The following ARHGAP17 variants were observed in gnomAD, a reference collection of about 807,000 sequenced individuals.
The protein encoded by ARHGAP17 is Rho GTPase activating protein 17, also known as rho GTPase-activating protein 17.
ARHGAP17 carries 57 observed loss-of-function variants against 99.5 expected under a neutral mutation model. The observed-to-expected ratio is 0.57, with a 90% CI of 0.46 to 0.71. The LOEUF is 0.71. Among genes scored for constraint, ARHGAP17 ranks in the 30% least tolerant of loss-of-function variants. The pLI, the probability that ARHGAP17 is intolerant of heterozygous loss-of-function variation, is 0.00. For synonymous variants in ARHGAP17, 417 were observed against 429.6 expected, an observed-to-expected ratio of 0.97 and a Z score of 0.36; for missense variants, 1,000 against 1,122.4, an observed-to-expected ratio of 0.89 and a Z score of 1.56.
intron 19 of ARHGAP17, chr16:24,929,749 AT>A: frequency 1.4e-6 from 1 of 689,936 alleles, no homozygotes; most frequent in Non-Finnish European, 1.8e-6. Flanking sequence ...GTTATTAACC[AT>A]TTATAACATG....
intron 13 of ARHGAP17, among the ~76,000 whole-genome samples, chr16:24,948,481 T>C (rs566757190): frequency 6.6e-6 from 1 of 152,258 alleles, no homozygotes; most frequent in South Asian, 2.1e-4. Flanking sequence ...ATGTGCTCCC[T>C]ATTCAAAAAT....
At chr16:24,980,941 A>G (rs1232344155) in intron 1 of ARHGAP17, among the ~76,000 whole-genome samples, 3 of 152,126 alleles carry the variant, frequency 2.0e-5, no homozygotes, top group Non-Finnish European at 2.9e-5. Context: ...AAATTTTCAC[A>G]AGTTCAAAAA....
intron 17 of ARHGAP17, chr16:24,936,439 C>T (rs1273250599): frequency 1.9e-4 from 29 of 152,348 alleles, no homozygotes; most frequent in Admixed American, 1.9e-3. Context: ...GGCACAGTGA[C>T]TCACGCCTGT....
At chr16:24,994,986 T>C (rs1328234998) in intron 1 of ARHGAP17, among the ~76,000 whole-genome samples, 1 of 152,114 alleles carries the variant, frequency 6.6e-6, no homozygotes, top group Admixed American at 6.5e-5. Flanking sequence ...TCAGGAAACT[T>C]ACAATCATGG....
Position 25,015,329 on chromosome 16 carries a change from T to C in ARHGAP17, c.-68A>G. 2 of 1,217,942 alleles carry C rather than the reference T, an allele frequency of 1.6e-6. No individual in the cohort carries two copies. The highest frequency in any genetic ancestry group is 2.1e-6 in the Non-Finnish European group (2 of 970,756). 75.4% of individuals were successfully genotyped at this position (1,217,942 alleles called of 1,614,324 possible). On this transcript the variant is annotated 5_prime_UTR_variant, in exon 1 of 20. An upstream open reading frame in the 5' UTR loses its in-frame stop. Coordinates refer to ENST00000289968, the MANE Select transcript of ARHGAP17 (RefSeq NM_001006634.3). ...GGGCGGGGGACAGCCTGGCAGCTAC[T>C]ACATCGCTTCCCGGCCCAAACGGCG...
chr16:24,923,021 T>C (rs1194808066), intron 19 of ARHGAP17, among the ~76,000 whole-genome samples: 2 of 152,116 alleles, frequency 1.3e-5, no homozygotes, highest in Non-Finnish European at 2.9e-5. Flanking sequence ...CACCAGAGAC[T>C]GTACTATACA....
Position 25,015,303 on chromosome 16 carries a change from A to G in ARHGAP17, c.-42T>C. On this transcript the variant is annotated 5_prime_UTR_variant, in exon 1 of 20. Transcript: ENST00000289968. ...GCGGCCCGCGGGGCTCGGGCCGGGC[A>G]GGGCGGGGGACAGCCTGGCAGCTAC... 1.5e-6 allele frequency: 2 copies of G among 1,291,046 alleles called. No homozygotes were observed. Among genetic ancestry groups the G allele is most frequent in the South Asian group, 2.4e-5 (1 of 42,000 alleles). The allele number at this position is 1,291,046 out of a possible 1,614,324, so 80.0% of individuals were successfully genotyped here.
intron 1 of ARHGAP17, among the ~76,000 whole-genome samples, chr16:24,989,853 T>G (rs1179118105): frequency 6.6e-6 from 1 of 152,156 alleles, no homozygotes; most frequent in South Asian, 2.1e-4. Context: ...TATTAGAGGC[T>G]GGGAAGCATA....
chr16:24,952,282 A>G lies in ARHGAP17; in HGVS notation c.1046+7T>C. 2 of 1,607,484 alleles carry G rather than the reference A, an allele frequency of 1.2e-6. No homozygotes were observed. The highest frequency in any genetic ancestry group is 2.7e-5 in the African/African-American group (2 of 74,874). On this transcript the variant is annotated splice_region_variant and intron_variant, in intron 12 of 19. Coordinates refer to ENST00000289968, the MANE Select transcript of ARHGAP17 (RefSeq NM_001006634.3). Reference sequence around the variant, plus strand: ...AACATTTACAACTCTGTGTTCTTTAAACTTACCTTGCAACTTGTGTCCATT... The same window carrying G: ...AACATTTACAACTCTGTGTTCTTTAGACTTACCTTGCAACTTGTGTCCATT...
chr16:24,950,836 CAAAAA>C (rs1177614713), intron 12 of ARHGAP17, among the ~76,000 whole-genome samples: 10 of 39,440 alleles, frequency 2.5e-4, no homozygotes, highest in African/African-American at 9.4e-4. Context: ...GACTCCAACT[CAAAAA>C]AAAAAAAAAA....
chr16:24,980,368 G>A (rs1377117950), intron 1 of ARHGAP17, among the ~76,000 whole-genome samples: 1 of 152,134 alleles, frequency 6.6e-6, no homozygotes, highest in Non-Finnish European at 1.5e-5. Flanking sequence ...ATGCCTACAG[G>A]GTGGCTCACT....
intron 19 of ARHGAP17, among the ~76,000 whole-genome samples, chr16:24,923,302 T>G (rs1023513218): frequency 6.6e-6 from 1 of 152,144 alleles, no homozygotes; most frequent in African/African-American, 2.4e-5. Flanking sequence ...TGGTTTGTTG[T>G]AAAAAGGAGA....
At chr16:24,935,433 G>A in intron 18 of ARHGAP17, 37 bp downstream of exon 18, 2 of 1,552,728 alleles carry the variant, frequency 1.3e-6, no homozygotes, top group Non-Finnish European at 8.7e-7. Context: ...GGTCTGCACA[G>A]GCTTCCCTGA....
At chr16:25,002,776 C>T (rs187776794) in intron 1 of ARHGAP17, among the ~76,000 whole-genome samples, 4 of 152,254 alleles carry the variant, frequency 2.6e-5, no homozygotes, top group Non-Finnish European at 4.4e-5. Flanking sequence ...CGATGGCTCA[C>T]GCCTGTAATC....
At chr16:24,923,710 CCTGT>C (rs1178590230) in intron 19 of ARHGAP17, among the ~76,000 whole-genome samples, 1 of 141,008 alleles carries the variant, frequency 7.1e-6, no homozygotes, top group Non-Finnish European at 1.5e-5. Context: ...AGAGCAAGAC[CCTGT>C]CTCTCTTTTT....
chr16:24,937,723 C>T (rs1217801861), intron 17 of ARHGAP17, among the ~76,000 whole-genome samples: 1 of 152,144 alleles, frequency 6.6e-6, no homozygotes, highest in Non-Finnish European at 1.5e-5. Context: ...AACAAGATTC[C>T]TATCTCACGA....
At chr16:24,940,846 A>G (rs1395236862) in intron 16 of ARHGAP17, among the ~76,000 whole-genome samples, 1 of 152,238 alleles carries the variant, frequency 6.6e-6, no homozygotes, top group Non-Finnish European at 1.5e-5. Context: ...CAGTTCAAAA[A>G]GTAAAAAGAT....
At chr16:24,964,149 C>T (rs2052098758) in intron 7 of ARHGAP17, 48 bp downstream of exon 7, 4 of 1,286,012 alleles carry the variant, frequency 3.1e-6, no homozygotes, top group East Asian at 2.5e-5. Flanking sequence ...ACTTTCATCC[C>T]TCATTTGCAA....
At chr16:24,994,145 G>A (rs949786890) in intron 1 of ARHGAP17, among the ~76,000 whole-genome samples, 2 of 152,196 alleles carry the variant, frequency 1.3e-5, no homozygotes, top group Non-Finnish European at 2.9e-5. Context: ...GAAAGTCAGG[G>A]CGAGGCAGTT....
Sources: gnomAD v4.1 joint callset for allele counts (sites outside exome capture counted in the v4.1 genomes callset) on GRCh38, gnomAD v4.1.1 for gene constraint, MANE v1.5 for transcripts, NCBI Gene and HGNC (gene_info 2026-07-23, HGNC 2026-07-21) for gene names.